INPP4A: variants seen among roughly 807,000 people sequenced by gnomAD.
INPP4A encodes inositol polyphosphate-4-phosphatase type I A.
Under a neutral mutation model 119.8 loss-of-function variants are expected in INPP4A, and 33 were observed. The ratio of observed to expected loss-of-function variants is 0.28; its 90% CI spans 0.21 to 0.37. The LOEUF (loss-of-function observed/expected upper bound fraction) is 0.37. Among genes scored for constraint, INPP4A ranks in the 10% least tolerant of loss-of-function variants. The pLI is 1.00. For missense variants in INPP4A, 956 were observed against 1,289.9 expected (o/e 0.74, Z 3.97); for synonymous variants, 496 against 500.7 (o/e 0.99, Z 0.12).
At chr2:98,461,699 T>A in intron 1 of INPP4A, among the ~76,000 whole-genome samples, 1 of 152,214 alleles carries the variant, frequency 6.6e-6, no homozygotes, top group Non-Finnish European at 1.5e-5. Flanking sequence ...GAAGTTATGC[T>A]GTGTATATGC....
intron 13 of INPP4A, among the ~76,000 whole-genome samples, chr2:98,549,810 C>G (rs930607900): frequency 6.6e-6 from 1 of 152,102 alleles, no homozygotes. Flanking sequence ...CCTGGGGGTA[C>G]TTTAGGTACA....
At position 98,592,066 on chromosome 2, in the gene INPP4A, A is replaced by G. The variant is rs181128621; in HGVS notation, c.*4458A>G. The stretch of plus-strand genomic sequence containing the variant: ...CACATGGACAGAAGGAACTGGCCTC[A>G]CATGCCATCGTGTTCCTGGGATGGC... On this transcript the variant is annotated 3_prime_UTR_variant, in exon 25 of 25. Transcript: ENST00000409851. The G allele has an allele frequency of 4.7e-4, 71 of 152,410 alleles. No homozygotes were observed. Among genetic ancestry groups the G allele is most frequent in the Admixed American group, 4.6e-3 (70 of 15,298 alleles). 9.4% of individuals were successfully genotyped at this position (152,410 alleles called of 1,614,324 possible).
At chr2:98,466,387 G>T (rs1674789714) in intron 1 of INPP4A, among the ~76,000 whole-genome samples, 1 of 152,254 alleles carries the variant, frequency 6.6e-6, no homozygotes, top group African/African-American at 2.4e-5. Context: ...CACTCACTGT[G>T]CACCAGCACC....
intron 1 of INPP4A, among the ~76,000 whole-genome samples, chr2:98,483,514 C>G (rs1389473983): frequency 6.6e-6 from 1 of 152,130 alleles, no homozygotes; most frequent in South Asian, 2.1e-4. Flanking sequence ...TCTTGTCTTT[C>G]TAATGTCTTG....
At chr2:98,539,036 C>A in intron 9 of INPP4A, 55 bp downstream of exon 9, 1 of 1,007,128 alleles carries the variant, frequency 9.9e-7, no homozygotes, top group Non-Finnish European at 1.5e-6. Context: ...TCCACTTGGG[C>A]CCGCAGTCCC....
intron 24 of INPP4A, among the ~76,000 whole-genome samples, chr2:98,582,821 C>T (rs1468736770): frequency 1.3e-5 from 2 of 151,482 alleles, no homozygotes; most frequent in African/African-American, 4.9e-5. Flanking sequence ...GAAAGATCAC[C>T]TAGTGCATAA....
intron 1 of INPP4A, among the ~76,000 whole-genome samples, chr2:98,467,869 T>C (rs1675124660): frequency 6.6e-6 from 1 of 152,234 alleles, no homozygotes; most frequent in Non-Finnish European, 1.5e-5. Context: ...CTATTAGTTA[T>C]TAACTGTCTA....
At chr2:98,475,767 G>T (rs1370596705) in intron 1 of INPP4A, among the ~76,000 whole-genome samples, 1 of 152,174 alleles carries the variant, frequency 6.6e-6, no homozygotes, top group Non-Finnish European at 1.5e-5. Context: ...TGGGGGCTTT[G>T]GGAGGAGGGG....
chr2:98,579,940 G>GCTCA lies in INPP4A; in HGVS notation c.2786+2800_2786+2803dup, dbSNP rs1405779756. Among the ~76,000 whole-genome samples the GCTCA allele has an allele frequency of 3.3e-5, 5 of 152,354 alleles. No individual in the cohort carries two copies. The East Asian group carries it at 9.6e-4, about 29-fold the overall frequency. On this transcript the variant is annotated intron_variant, in intron 24 of 24. Coordinates refer to ENST00000409851, the MANE Select transcript of INPP4A (RefSeq NM_001134225.2). The stretch of plus-strand genomic sequence containing the variant: ...TTCTCGCACCAGCTCTGGGGACATG[G>GCTCA]CTCACTGCCACCTTGAGCCAACCCT...
chr2:98,469,096 G>A (rs1675424340), intron 1 of INPP4A, among the ~76,000 whole-genome samples: 1 of 152,216 alleles, frequency 6.6e-6, no homozygotes, highest in African/African-American at 2.4e-5. Flanking sequence ...CCCATGCTGT[G>A]CTAATTAGTG....
intron 16 of INPP4A, 97 bp downstream of exon 16, chr2:98,555,905 G>T: frequency 7.2e-7 from 1 of 1,398,272 alleles, no homozygotes; most frequent in South Asian, 1.4e-5. Flanking sequence ...CCTCCCCCAT[G>T]CAGACTGCAG....
chr2:98,514,405 G>A (rs1685714657), intron 1 of INPP4A, among the ~76,000 whole-genome samples: 4 of 152,158 alleles, frequency 2.6e-5, no homozygotes, highest in Admixed American at 2.6e-4. Flanking sequence ...AGCGGTAAGA[G>A]TATATCTTTG....
Position 98,570,357 on chromosome 2 carries a change from C to T in INPP4A, c.2518+1689C>T, listed in dbSNP as rs998857439. On this transcript the variant is annotated intron_variant, in intron 22 of 24. Transcript: ENST00000409851. The surrounding 1 kb of genome is among the most constrained non-coding windows in gnomAD (Gnocchi z 4.3). ...GAGGAAGAAGGGACTCAACAGAAGG[C>T]GAGAGAGAGCATCACAGGCTAGCAG... Among the ~76,000 whole-genome samples the T allele has an allele frequency of 3.3e-5, 5 of 152,094 alleles. No individual in the cohort carries two copies. Among genetic ancestry groups the T allele is most frequent in the African/African-American group, 7.2e-5 (3 of 41,412 alleles).
At chr2:98,494,827 T>C (rs973496221) in intron 1 of INPP4A, among the ~76,000 whole-genome samples, 8 of 152,200 alleles carry the variant, frequency 5.3e-5, no homozygotes, top group Non-Finnish European at 1.5e-5. Flanking sequence ...CCCTAGGCAG[T>C]TGTCAAAAAC....
At chr2:98,527,833 T>C (rs1688458284) in intron 4 of INPP4A, among the ~76,000 whole-genome samples, 1 of 152,168 alleles carries the variant, frequency 6.6e-6, no homozygotes, top group African/African-American at 2.4e-5. Context: ...ACAAAGAGTA[T>C]TACTTTACAG....
chr2:98,584,589 C>G (rs754716550), intron 24 of INPP4A, among the ~76,000 whole-genome samples: 15 of 152,282 alleles, frequency 9.9e-5, no homozygotes, highest in Non-Finnish European at 1.3e-4. Flanking sequence ...TGTCACCACA[C>G]CTTTCTGCCC....
At chr2:98,555,984 G>A (rs765242530) in intron 16 of INPP4A, 176 bp downstream of exon 16, 12 of 692,764 alleles carry the variant, frequency 1.7e-5, no homozygotes, top group South Asian at 1.4e-4. Flanking sequence ...CGGAGTCTCC[G>A]GTTGCCTTTC....
intron 4 of INPP4A, among the ~76,000 whole-genome samples, chr2:98,529,182 G>A (rs1167358356): frequency 2.6e-5 from 4 of 152,060 alleles, no homozygotes; most frequent in East Asian, 1.9e-4. Flanking sequence ...AAAAAGGAAC[G>A]AAGTACAGAT....
intron 23 of INPP4A, 56 bp downstream of exon 23, chr2:98,572,983 T>C: frequency 7.9e-7 from 1 of 1,261,112 alleles, no homozygotes; most frequent in South Asian, 1.3e-5. Context: ...CTGAACGTCA[T>C]GACAGAAACA....
Sources: gnomAD v4.1 joint callset for allele counts (sites outside exome capture counted in the v4.1 genomes callset) on GRCh38, gnomAD v4.1.1 for gene constraint, Gnocchi (gnomAD v3.1) non-coding constraint, MANE v1.5 for transcripts, NCBI Gene and HGNC (gene_info 2026-07-23, HGNC 2026-07-21) for gene names.